The following OTOG variants were observed in gnomAD, a reference collection of about 807,000 sequenced individuals.
OTOG encodes otogelin.
Under a neutral mutation model 313.8 loss-of-function variants are expected in OTOG, and 296 were observed. The ratio of observed to expected loss-of-function variants is 0.94; its 90% CI spans 0.86 to 1.04. OTOG has a LOEUF of 1.04. Among genes scored for constraint, OTOG ranks in the 50% least tolerant of loss-of-function variants. The pLI, the probability that OTOG is intolerant of heterozygous loss-of-function variation, is 0.00. For synonymous variants in OTOG, 1,533 were observed against 1,554.9 expected, an observed-to-expected ratio of 0.99 and a Z score of 0.33; for missense variants, 3,948 against 3,840.1, an observed-to-expected ratio of 1.03 and a Z score of -0.74.
At chr11:17,563,604 C>A (rs1163434339) in intron 15 of OTOG, among the ~76,000 whole-genome samples, 3 of 152,206 alleles carry the variant, frequency 2.0e-5, no homozygotes, top group Non-Finnish European at 1.5e-5. Context: ...AGACAAGACA[C>A]ACAGACACAG....
In OTOG at chr11:17,596,162, T is replaced by C. The variant is rs1469967263; in HGVS notation, c.3525+8T>C. On this transcript the variant is annotated splice_region_variant and intron_variant, in intron 29 of 55. Coordinates refer to ENST00000399397, the MANE Select transcript of OTOG (RefSeq NM_001292063.2). The stretch of plus-strand genomic sequence containing the variant: ...GAGATCTGCCACCCTGTGGTGAGTG[T>C]ACCCCAGCCTCGGCTCCTCCCGAGT... The C allele has an allele frequency of 1.9e-6, 3 of 1,540,520 alleles. No homozygotes were observed. The highest frequency in any genetic ancestry group is 3.9e-5 in the Admixed American group (2 of 50,966).
chr11:17,621,012 T>C (rs1334319035), intron 39 of OTOG, among the ~76,000 whole-genome samples: 1 of 152,176 alleles, frequency 6.6e-6, no homozygotes, highest in East Asian at 1.9e-4. Flanking sequence ...TGAGCACATA[T>C]AGTTAAAACA....
rs1367461223 is a variant in OTOG at position 17,646,005 on chromosome 11, G to T, written c.*61G>T. 1.3e-6 allele frequency: 2 copies of T among 1,499,784 alleles called. No homozygotes were observed. Among genetic ancestry groups the T allele is most frequent in the Admixed American group, 3.9e-5 (2 of 50,814 alleles). The allele number at this position is 1,499,784 out of a possible 1,614,324, so 92.9% of individuals were successfully genotyped here. On this transcript the variant is annotated 3_prime_UTR_variant, in exon 56 of 56. Transcript: ENST00000399397. ...CAGCCCCACTTTCTGTTTCCAGCTG[G>T]CCCAATGTGAATGGGGGTATTAAAG...
Position 17,612,688 on chromosome 11 carries a change from G to A in OTOG, c.6361G>A (p.Glu2121Lys). 1 of 1,550,610 alleles carries A rather than the reference G, an allele frequency of 6.4e-7. No homozygotes were observed. The highest frequency in any genetic ancestry group is 8.7e-7 in the Non-Finnish European group (1 of 1,146,998). The change falls in exon 38 of 56, where the codon GAG (glutamate) becomes AAG (lysine). Residue 2121 changes from glutamate to lysine, a missense_variant. Physicochemically the swap from Glu to Lys is moderately conservative, Grantham distance 56. Coordinates refer to ENST00000399397, the MANE Select transcript of OTOG (RefSeq NM_001292063.2). ...FDGSHVALFK[E>K]AIYILSQSPD... ...TGGGAGCCACGTAGCTCTGTTCAAG[G>A]AGGCCATCTACATCCTCAGCCAGAG...
chr11:17,553,028 G>A, intron 4 of OTOG, 91 bp from the exon 5 acceptor site: 1 of 1,173,110 alleles, frequency 8.5e-7, no homozygotes, highest in Non-Finnish European at 1.2e-6. Flanking sequence ...CTGTTATGGG[G>A]GTCTGGATCC....
At chr11:17,602,083 G>C in intron 31 of OTOG, 127 bp from the exon 32 acceptor site, 1 of 1,036,750 alleles carries the variant, frequency 9.6e-7, no homozygotes, top group Non-Finnish European at 1.4e-6. Flanking sequence ...TGGGATGAAG[G>C]ACACCATCAA....
intron 23 of OTOG, among the ~76,000 whole-genome samples, chr11:17,584,056 G>GT (rs1425752130): frequency 6.6e-6 from 1 of 152,120 alleles, no homozygotes; most frequent in African/African-American, 2.4e-5. Context: ...GGTATTTGCT[G>GT]TTTTTGTTGA....
At chr11:17,629,436 G>A in intron 40 of OTOG, 120 bp downstream of exon 40, 1 of 1,195,664 alleles carries the variant, frequency 8.4e-7, no homozygotes. Flanking sequence ...GGTTGGAGCA[G>A]CAGAGCTGTC....
In OTOG at chr11:17,563,528, A is replaced by G. The variant is rs533273618; in HGVS notation, c.1644+1721A>G. Among the ~76,000 whole-genome samples the G allele has an allele frequency of 1.1e-3, 173 of 152,272 alleles. 1 individual carries two copies. Among genetic ancestry groups the G allele is most frequent in the African/African-American group, 4.0e-3 (167 of 41,560 alleles). ...CCAGCCCTGGCTTGGCTGCTCTCTG[A>G]GTCAGGAGACTGCTCTTCCTCAAAA... On this transcript the variant is annotated intron_variant, in intron 15 of 55. Coordinates refer to ENST00000399397, the MANE Select transcript of OTOG (RefSeq NM_001292063.2).
chr11:17,634,865 A>T lies in OTOG; in HGVS notation c.7502A>T (p.Glu2501Val). The T allele has an allele frequency of 6.5e-7, 1 of 1,542,150 alleles. No homozygotes were observed. Among genetic ancestry groups the T allele is most frequent in the Non-Finnish European group, 8.8e-7 (1 of 1,142,800 alleles). The stretch of plus-strand genomic sequence containing the variant: ...CCAGTGTGTAACCAGACTCTGTGTG[A>T]GGGTCTCGCCCCCACATGCCGCCCA... ...TVCVCNQTLC[E>V]GLAPTCRPGH... The change falls in exon 45 of 56, where the codon GAG (glutamate) becomes GTG (valine). Residue 2501 changes from glutamate (E) to valine (V), a missense_variant. Physicochemically the swap from Glu to Val is moderately radical, Grantham distance 121. Coordinates refer to ENST00000399397, the MANE Select transcript of OTOG (RefSeq NM_001292063.2).
At chr11:17,603,059 A>G (rs183306550) in intron 32 of OTOG, among the ~76,000 whole-genome samples, 1 of 152,268 alleles carries the variant, frequency 6.6e-6, no homozygotes, top group East Asian at 1.9e-4. Flanking sequence ...CCTGAGGGCA[A>G]TGGGGAGCCA....
chr11:17,557,329 G>T lies in OTOG; in HGVS notation c.865+6G>T. 1 of 1,550,354 alleles carries T rather than the reference G, an allele frequency of 6.5e-7. No individual in the cohort carries two copies. Among genetic ancestry groups the T allele is most frequent in the South Asian group, 1.2e-5 (1 of 84,020 alleles). ...TGATCTGGTGACCAGCTCTGGTGAG[G>T]GTCAGACAGGTGGCCTCTGAGGGGT... On this transcript the variant is annotated splice_donor_region_variant and intron_variant, in intron 8 of 55. Transcript: ENST00000399397.
At chr11:17,619,668 T>C (rs989989032) in intron 39 of OTOG, among the ~76,000 whole-genome samples, 1 of 152,192 alleles carries the variant, frequency 6.6e-6, no homozygotes, top group African/African-American at 2.4e-5. Flanking sequence ...TTTATAACAG[T>C]ATACTGCTAT....
At chr11:17,615,033 G>GTGTT (rs1223353634) in intron 39 of OTOG, among the ~76,000 whole-genome samples, 2 of 152,182 alleles carry the variant, frequency 1.3e-5, no homozygotes, top group Admixed American at 6.5e-5. Context: ...TTGGTGGCAC[G>GTGTT]TGTTTGTTTG....
At chr11:17,594,217 G>GCCAGCA in intron 28 of OTOG, 51 bp downstream of exon 28, 2 of 1,548,902 alleles carry the variant, frequency 1.3e-6, no homozygotes, top group Admixed American at 3.9e-5. Context: ...GATGGGCGCT[G>GCCAGCA]CCAGCACTGA....
rs720460 is a variant in OTOG, at chr11:17,591,425, T to G, written c.2868-25T>G. 0.34 allele frequency: 534,163 copies of G among 1,549,720 alleles called. 94,098 individuals are homozygous for G. The highest frequency in any genetic ancestry group is 0.51 in the African/African-American group (37,208 of 73,090). On this transcript the variant is annotated intron_variant, in intron 24 of 55. Transcript: ENST00000399397. ...GGTATGGGGTGGGTGTGCCCTGTGA[T>G]CTGGTCTGGGCATGTGTTTTTCAGT...
rs1319789712 is a variant in OTOG at position 17,611,410 on chromosome 11, C to A, written c.6110C>A (p.Ser2037Tyr). Residue 2037 changes from serine (S) to tyrosine (Y), a missense_variant, in exon 36 of 56, where the codon TCC (serine) becomes TAC (tyrosine). Transcript: ENST00000399397. ...GCAACTACCACTGAGGCCAATACAT[C>A]CACCACCTGTGTTGTGAGTGATTTG... ...ALATTTEANTSTTCVPIAEQD... is the reference protein window; with the variant it reads ...ALATTTEANTYTTCVPIAEQD... 2 of 1,526,676 alleles carry A rather than the reference C, an allele frequency of 1.3e-6. No individual in the cohort carries two copies. The highest frequency in any genetic ancestry group is 1.4e-5 in the African/African-American group (1 of 72,534). The allele number at this position is 1,526,676 out of a possible 1,614,324, so 94.6% of individuals were successfully genotyped here. A position where few individuals can be genotyped will look rare whatever the true frequency, so the allele number is the denominator to read the frequency against.
chr11:17,553,526 C>A lies in OTOG; in HGVS notation c.540+7C>A. 1 of 1,425,850 alleles carries A rather than the reference C, an allele frequency of 7.0e-7. No individual in the cohort carries two copies. Among genetic ancestry groups the A allele is most frequent in the South Asian group, 1.6e-5 (1 of 61,012 alleles). The allele number at this position is 1,425,850 out of a possible 1,614,324, so 88.3% of individuals were successfully genotyped here. On this transcript the variant is annotated splice_region_variant and intron_variant, in intron 6 of 55. Coordinates refer to ENST00000399397, the MANE Select transcript of OTOG (RefSeq NM_001292063.2). ...ACAGAGCTTCTCCATCCAGGTGAGG[C>A]CTCCCCTGCCTTGCCTGTCCAGGAA...
chr11:17,566,103 A>C (rs1852288236), intron 15 of OTOG, among the ~76,000 whole-genome samples: 2 of 152,154 alleles, frequency 1.3e-5, no homozygotes, highest in Non-Finnish European at 2.9e-5. Flanking sequence ...GTATTTCCAC[A>C]GATAATGTGG....
Sources: gnomAD v4.1 joint callset for allele counts (sites outside exome capture counted in the v4.1 genomes callset) on GRCh38, gnomAD v4.1.1 for gene constraint, MANE v1.5 for transcripts, NCBI Gene and HGNC (gene_info 2026-07-23, HGNC 2026-07-21) for gene names.